The following DRC11 variants were observed in gnomAD, a reference collection of about 807,000 sequenced individuals.
The protein encoded by DRC11 is IQ and AAA domain-containing protein 1.
At chr2:236,432,478 C>A in the DRC11 span, among the ~76,000 whole-genome samples, 1 of 152,096 alleles carries the variant, frequency 6.6e-6, no homozygotes, top group Admixed American at 6.6e-5. Flanking sequence ...ATTTGCATTT[C>A]TCTTATATGT....
chr2:236,465,038 T>G, the DRC11 span, among the ~76,000 whole-genome samples: 1 of 152,102 alleles, frequency 6.6e-6, no homozygotes, highest in East Asian at 1.9e-4. The surrounding 1 kb of genome is among the most constrained non-coding windows in gnomAD (Gnocchi z 6.2). Context: ...TATTTCTTTA[T>G]AGCAATGCAA....
chr2:236,373,333 G>A, the DRC11 span, among the ~76,000 whole-genome samples: 1 of 149,470 alleles, frequency 6.7e-6, no homozygotes, highest in Admixed American at 6.7e-5. Flanking sequence ...CTTGGCTCAC[G>A]CAACCTCCCT....
chr2:236,331,451 GC>G, the DRC11 span: 1 of 1,613,922 alleles, frequency 6.2e-7, no homozygotes, highest in Non-Finnish European at 8.5e-7. This position sits in a 1 kb window ranked among gnomAD's most constrained non-coding sequence, Gnocchi z 4.8. Context: ...TGAATTTGCC[GC>G]CGGATTCTCT....
the DRC11 span, chr2:236,488,302 G>A: frequency 1.4e-6 from 1 of 699,936 alleles, no homozygotes; most frequent in East Asian, 3.1e-5. Context: ...GGTCCCCACG[G>A]CTGATCATGA....
chr2:236,372,890 G>A, the DRC11 span, among the ~76,000 whole-genome samples: 2 of 152,302 alleles, frequency 1.3e-5, no homozygotes, highest in Non-Finnish European at 2.9e-5. This position sits in a 1 kb window ranked among gnomAD's most constrained non-coding sequence, Gnocchi z 4.5. Flanking sequence ...GAGATTACAC[G>A]TGTGAGCCAC....
chr2:236,328,750 C>G, the DRC11 span, among the ~76,000 whole-genome samples: 412 of 152,274 alleles, frequency 2.7e-3, 3 homozygotes, highest in African/African-American at 9.7e-3. The surrounding 1 kb of genome is among the most constrained non-coding windows in gnomAD (Gnocchi z 6.7). Flanking sequence ...AGACCCCGTA[C>G]AGAATATAGT....
chr2:236,472,260 T>TTGC, the DRC11 span, among the ~76,000 whole-genome samples: 1 of 152,322 alleles, frequency 6.6e-6, no homozygotes, highest in African/African-American at 2.4e-5. This position sits in a 1 kb window ranked among gnomAD's most constrained non-coding sequence, Gnocchi z 4.6. Flanking sequence ...TGCAAACTTT[T>TTGC]TGCTGGTGCA....
the DRC11 span, among the ~76,000 whole-genome samples, chr2:236,433,571 G>T: frequency 2.0e-5 from 3 of 152,128 alleles, no homozygotes; most frequent in Admixed American, 2.0e-4. Context: ...AACAGCGATT[G>T]CTTTCTGCAT....
the DRC11 span, among the ~76,000 whole-genome samples, chr2:236,463,041 T>C: frequency 6.6e-6 from 1 of 152,122 alleles, no homozygotes; most frequent in Admixed American, 6.6e-5. This position sits in a 1 kb window ranked among gnomAD's most constrained non-coding sequence, Gnocchi z 5.0. Flanking sequence ...CTGAGAACGA[T>C]GGTAGCACGG....
chr2:236,485,652 A>G, the DRC11 span, among the ~76,000 whole-genome samples: 1 of 152,218 alleles, frequency 6.6e-6, no homozygotes, highest in Non-Finnish European at 1.5e-5. Context: ...GGGGTTTGAG[A>G]GCTGCCTCCA....
At chr2:236,424,176 A>G in the DRC11 span, among the ~76,000 whole-genome samples, 5 of 152,190 alleles carry the variant, frequency 3.3e-5, no homozygotes, top group African/African-American at 1.2e-4. Flanking sequence ...CGTTGTGCAC[A>G]TGTACCCTAA....
chr2:236,391,860 C>T, the DRC11 span: 6 of 788,246 alleles, frequency 7.6e-6, no homozygotes, highest in South Asian at 4.6e-5. This position sits in a 1 kb window ranked among gnomAD's most constrained non-coding sequence, Gnocchi z 4.5. Flanking sequence ...CATGTTTCCC[C>T]GTGAGGTGTC....
At chr2:236,402,254 G>A in the DRC11 span, among the ~76,000 whole-genome samples, 1 of 152,198 alleles carries the variant, frequency 6.6e-6, no homozygotes, top group East Asian at 1.9e-4. This position sits in a 1 kb window ranked among gnomAD's most constrained non-coding sequence, Gnocchi z 6.0. Flanking sequence ...TGTCCCCAGG[G>A]GCTTCCCACA....
the DRC11 span, among the ~76,000 whole-genome samples, chr2:236,459,535 G>GTA: frequency 0.063 from 6,585 of 105,190 alleles, 390 homozygotes; most frequent in Non-Finnish European, 0.082. Flanking sequence ...ACATGTATAC[G>GTA]TATACGTATA....
chr2:236,324,500 C>T, the DRC11 span: 2 of 509,550 alleles, frequency 3.9e-6, no homozygotes, highest in Non-Finnish European at 7.1e-6. The surrounding 1 kb of genome is among the most constrained non-coding windows in gnomAD (Gnocchi z 5.7). Context: ...ACAGCACATG[C>T]AGTGGTTAGC....
the DRC11 span, among the ~76,000 whole-genome samples, chr2:236,374,687 T>A: frequency 6.6e-6 from 1 of 151,920 alleles, no homozygotes; most frequent in Non-Finnish European, 1.5e-5. Flanking sequence ...TATGTTTTTA[T>A]TTGTATTATT....
At chr2:236,343,407 A>ATAT in the DRC11 span, among the ~76,000 whole-genome samples, 2 of 152,220 alleles carry the variant, frequency 1.3e-5, no homozygotes, top group Non-Finnish European at 2.9e-5. This position sits in a 1 kb window ranked among gnomAD's most constrained non-coding sequence, Gnocchi z 6.6. Flanking sequence ...GTGCGGGCTG[A>ATAT]AATGCTTTCA....
chr2:236,419,970 C>T, the DRC11 span, among the ~76,000 whole-genome samples: 3 of 152,292 alleles, frequency 2.0e-5, no homozygotes, highest in Non-Finnish European at 2.9e-5. The surrounding 1 kb of genome is among the most constrained non-coding windows in gnomAD (Gnocchi z 4.8). Flanking sequence ...TGACAGGACA[C>T]GCTTCCTGTT....
At chr2:236,380,201 G>A in the DRC11 span, among the ~76,000 whole-genome samples, 1 of 152,200 alleles carries the variant, frequency 6.6e-6, no homozygotes, top group Non-Finnish European at 1.5e-5. This position sits in a 1 kb window ranked among gnomAD's most constrained non-coding sequence, Gnocchi z 4.9. Flanking sequence ...CGCGGCAGGA[G>A]CAACGGCCTC....
Sources: gnomAD v4.1 joint callset for allele counts (sites outside exome capture counted in the v4.1 genomes callset) on GRCh38, gnomAD v4.1.1 for gene constraint, Gnocchi (gnomAD v3.1) non-coding constraint, MANE v1.5 for transcripts, NCBI Gene and HGNC (gene_info 2026-07-23, HGNC 2026-07-21) for gene names.